CSNK2A1: variants seen among roughly 807,000 people sequenced by gnomAD.
CSNK2A1 encodes the protein casein kinase 2 alpha 1.
In CSNK2A1, 10 loss-of-function variants were observed where a neutral mutation model predicts 62.9. That is an observed-to-expected ratio of 0.16 (90% CI 0.10 to 0.27). The LOEUF is 0.27. Ranked by LOEUF, CSNK2A1 falls within the 10% of genes least tolerant of loss-of-function variation. The pLI is 1.00. For synonymous variants in CSNK2A1, 124 were observed against 167.8 expected, an observed-to-expected ratio of 0.74 and a Z score of 2.02; for missense variants, 160 against 492.0, an observed-to-expected ratio of 0.33 and a Z score of 6.38.
chr20:530,048 GGT>G (rs1461108696), intron 1 of CSNK2A1, among the ~76,000 whole-genome samples: 2 of 151,994 alleles, frequency 1.3e-5, no homozygotes, highest in Non-Finnish European at 2.9e-5. Context: ...ACCCTAAAAT[GGT>G]GTGTTTTCGT....
intron 1 of CSNK2A1, among the ~76,000 whole-genome samples, chr20:528,616 G>T (rs924998436): frequency 2.0e-5 from 3 of 149,164 alleles, no homozygotes; most frequent in Non-Finnish European, 4.5e-5. Flanking sequence ...TCTTTCTTTT[G>T]TTTTTTTTTC....
rs138755551 is a variant in CSNK2A1 at position 487,365 on chromosome 20, C to T, written c.973+62G>A. On this transcript the variant is annotated intron_variant, in intron 12 of 13. Transcript: ENST00000217244. ...AGCAAGCTGACAGGAGCTGGGATTA[C>T]GACTCTGTTCTATAGGACTCTGCGC... The T allele has an allele frequency of 4.1e-5, 65 of 1,598,718 alleles. No homozygotes were observed. The East Asian group carries it at 1.3e-3, about 31-fold the overall frequency.
At chr20:518,843 C>A (rs998306561) in intron 2 of CSNK2A1, among the ~76,000 whole-genome samples, 2 of 151,826 alleles carry the variant, frequency 1.3e-5, no homozygotes, top group African/African-American at 4.8e-5. Flanking sequence ...GTGTGAGCCA[C>A]CGCACCCAGC....
chr20:511,250 G>GA (rs2018713036), intron 2 of CSNK2A1, among the ~76,000 whole-genome samples: 2 of 152,064 alleles, frequency 1.3e-5, no homozygotes, highest in African/African-American at 4.8e-5. Context: ...TGAGGCAGGA[G>GA]AATCACCAGA....
At chr20:488,636 G>A in intron 11 of CSNK2A1, 42 bp downstream of exon 11, 1 of 1,588,374 alleles carries the variant, frequency 6.3e-7, no homozygotes, top group Non-Finnish European at 8.6e-7. Context: ...CACTCTCAAA[G>A]TGCTTAAGCC....
In CSNK2A1 at chr20:508,540, G is replaced by A. The variant is rs138114936; in HGVS notation, c.12C>T (p.Pro4=). The part of the protein sequence containing the change: MSG[P]VPSRARVYTD... ...TGTAAACTCTGGCCCTGCTTGGCAC[G>A]GGTCCCGACATGTCAGACAGGTTGG... is the stretch of plus-strand genomic sequence containing the variant. Residue 4 remains proline, a synonymous_variant, in exon 3 of 14, where the codon CCC becomes CCT. Coordinates refer to ENST00000217244, the MANE Select transcript of CSNK2A1 (RefSeq NM_177559.3). 4.5e-5 allele frequency: 72 copies of A among 1,613,086 alleles called. No homozygotes were observed. The highest frequency in any genetic ancestry group is 3.5e-4 in the African/African-American group (26 of 74,840).
Position 478,941 on chromosome 20 carries a change from C to T in CSNK2A1, c.*5020G>A. 1 of 162,920 alleles carries T rather than the reference C, an allele frequency of 6.1e-6. No homozygotes were observed. Among genetic ancestry groups the T allele is most frequent in the Non-Finnish European group, 1.4e-5 (1 of 73,478 alleles). 10.1% of individuals were successfully genotyped at this position (162,920 alleles called of 1,614,324 possible). ...GACCCGTATCAAAAAACAAAACAAA[C>T]AAAAAACTTCTAGTGAGTAGAGCGA... On this transcript the variant is annotated 3_prime_UTR_variant, in exon 14 of 14. Coordinates refer to ENST00000217244, the MANE Select transcript of CSNK2A1 (RefSeq NM_177559.3).
At chr20:493,659 T>G (rs1030884465) in intron 8 of CSNK2A1, among the ~76,000 whole-genome samples, 2 of 152,210 alleles carry the variant, frequency 1.3e-5, no homozygotes, top group Non-Finnish European at 2.9e-5. Flanking sequence ...CAGTTTTACA[T>G]GCACGCATGT....
intron 9 of CSNK2A1, among the ~76,000 whole-genome samples, chr20:491,104 C>A (rs1023665472): frequency 3.3e-5 from 5 of 151,746 alleles, no homozygotes; most frequent in African/African-American, 7.3e-5. Flanking sequence ...GCCTTAAGAC[C>A]CCAAGAAAGA....
intron 2 of CSNK2A1, among the ~76,000 whole-genome samples, chr20:512,919 T>C (rs1321905537): frequency 6.6e-6 from 1 of 152,192 alleles, no homozygotes; most frequent in African/African-American, 2.4e-5. Context: ...TGTTTTCTTG[T>C]AATTTTTCTT....
chr20:494,260 A>C (rs1473977694), intron 8 of CSNK2A1: 1 of 151,836 alleles, frequency 6.6e-6, no homozygotes, highest in East Asian at 1.9e-4. Flanking sequence ...GAACTCCTGA[A>C]CTCGTCATCT....
At chr20:501,978 A>G (rs2018481561) in intron 4 of CSNK2A1, 1 of 152,188 alleles carries the variant, frequency 6.6e-6, no homozygotes, top group Non-Finnish European at 1.5e-5. Flanking sequence ...CTTAAGCCTC[A>G]AGCACATGAT....
At chr20:485,105 A>ATATATATAT (rs2018060075) in intron 13 of CSNK2A1, among the ~76,000 whole-genome samples, 1 of 21,306 alleles carries the variant, frequency 4.7e-5, no homozygotes, top group Non-Finnish European at 9.2e-5. Context: ...AAAAAAAAAA[A>ATATATATAT]AAAAATATAT....
rs375910070 is a variant in CSNK2A1, at chr20:486,386, A to G, written c.1050T>C (p.Asn350=). The change falls in exon 13 of 14, where the codon AAT becomes AAC. Residue 350 remains asparagine (N), a synonymous_variant. Transcript: ENST00000217244. ...TACCAATGAACTGACCTGACATCAT[A>G]TTGGCGCTGCTGACGGGCGTACTGC... ...PGGSTPVSSA[N]MMSGISSVPT... is the part of the protein sequence containing the mutation. The G allele has an allele frequency of 3.1e-6, 5 of 1,613,742 alleles. No individual in the cohort carries two copies. The East Asian group carries it at 8.9e-5, about 29-fold the overall frequency.
intron 1 of CSNK2A1, among the ~76,000 whole-genome samples, chr20:529,942 C>G (rs145004606): frequency 0.011 from 1,673 of 152,244 alleles, 16 homozygotes; most frequent in African/African-American, 0.032. Context: ...CAGGACTACT[C>G]TGTGTGTATA....
At chr20:527,293 C>T (rs866610468) in intron 2 of CSNK2A1, among the ~76,000 whole-genome samples, 18 of 152,140 alleles carry the variant, frequency 1.2e-4, no homozygotes, top group Admixed American at 4.6e-4. Flanking sequence ...AAAACTGACA[C>T]AAAAAATGAA....
Position 499,634 on chromosome 20 carries a change from GA to G in CSNK2A1, c.315+198del, listed in dbSNP as rs2018416985. Reference sequence around the variant, plus strand: ...CCAGTGCTATCAGTCTCTTAGCCTAGAAGAATAAGAAATAGTCTGTGGGTGG... The same window carrying G: ...CCAGTGCTATCAGTCTCTTAGCCTAGAGAATAAGAAATAGTCTGTGGGTGG... On this transcript the variant is annotated intron_variant, in intron 5 of 13. Coordinates refer to ENST00000217244, the MANE Select transcript of CSNK2A1 (RefSeq NM_177559.3). The surrounding 1 kb of genome is among the most constrained non-coding windows in gnomAD (Gnocchi z 4.2). 5.0e-5 allele frequency: 30 copies of G among 596,460 alleles called. No homozygotes were observed. In the South Asian group the frequency reaches 6.7e-4, roughly 13 times the overall value. The allele number at this position is 596,460 out of a possible 1,614,324, so 36.9% of individuals were successfully genotyped here.
intron 1 of CSNK2A1, among the ~76,000 whole-genome samples, chr20:538,766 T>C (rs1600421535): frequency 6.6e-6 from 1 of 151,884 alleles, no homozygotes; most frequent in South Asian, 2.1e-4. Flanking sequence ...CCCATTTCCA[T>C]CTCCTCTAAA....
At chr20:489,972 TCACTC>T (rs1224131222) in intron 9 of CSNK2A1, 91 bp from the exon 10 acceptor site, 13 of 813,820 alleles carry the variant, frequency 1.6e-5, no homozygotes, top group Admixed American at 3.1e-5. Context: ...TAAAAAAAAA[TCACTC>T]CACTGACTCA....
Sources: allele counts gnomAD v4.1 joint callset (sites outside exome capture counted in the v4.1 genomes callset), GRCh38; gene constraint gnomAD v4.1.1; non-coding constraint Gnocchi (gnomAD v3.1); transcripts MANE v1.5; gene names NCBI Gene and HGNC (gene_info 2026-07-23, HGNC 2026-07-21).